Variants in DIP2C observed in about 807,000 individuals in gnomAD.
DIP2C encodes disco-interacting protein 2 homolog C.
In DIP2C, 33 loss-of-function variants were observed where a neutral mutation model predicts 192.4. The ratio of observed to expected loss-of-function variants is 0.17; its 90% CI spans 0.13 to 0.23. DIP2C has a LOEUF of 0.23. Ranked by LOEUF, DIP2C falls within the 10% of genes least tolerant of loss-of-function variation. The pLI, the probability that DIP2C is intolerant of heterozygous loss-of-function variation, is 1.00. For missense variants in DIP2C, 1,537 were observed against 2,110.1 expected (o/e 0.73, Z 5.32); for synonymous variants, 979 against 864.1 (o/e 1.13, Z -2.33).
chr10:476,150 A>G (rs954225897), intron 2 of DIP2C, among the ~76,000 whole-genome samples: 4 of 151,916 alleles, frequency 2.6e-5, no homozygotes, highest in African/African-American at 9.7e-5. Context: ...CCCCAGGGAG[A>G]TGGGGTGGCT....
chr10:664,115 A>G (rs1249799414), intron 1 of DIP2C: 1 of 149,742 alleles, frequency 6.7e-6, no homozygotes. Context: ...ACGGCCTCCC[A>G]CAAAGGCTCC....
chr10:540,213 T>G (rs1203558937), intron 1 of DIP2C, among the ~76,000 whole-genome samples: 2 of 152,272 alleles, frequency 1.3e-5, no homozygotes, highest in African/African-American at 4.8e-5. Context: ...ATTCTAGGTC[T>G]CCCGCAGACA....
intron 1 of DIP2C, among the ~76,000 whole-genome samples, chr10:647,955 G>A (rs1239627280): frequency 1.3e-5 from 2 of 151,758 alleles, no homozygotes; most frequent in Non-Finnish European, 2.9e-5. Flanking sequence ...GGAGAGAACA[G>A]AGGGAAACTG....
intron 2 of DIP2C, among the ~76,000 whole-genome samples, chr10:483,000 G>A (rs780210275): frequency 7.9e-5 from 12 of 152,214 alleles, no homozygotes; most frequent in Admixed American, 3.9e-4. Flanking sequence ...TCCTGGCTCC[G>A]GACAGTCTTT....
intron 1 of DIP2C, among the ~76,000 whole-genome samples, chr10:504,900 A>G (rs758443931): frequency 1.6e-4 from 25 of 152,272 alleles, no homozygotes; most frequent in Admixed American, 9.2e-4. Context: ...AGAAGAGGTG[A>G]GCTCTTCAAT....
At chr10:458,013 C>G (rs557402418) in intron 3 of DIP2C, among the ~76,000 whole-genome samples, 1 of 152,326 alleles carries the variant, frequency 6.6e-6, no homozygotes, top group Non-Finnish European at 1.5e-5. Context: ...GAGAGCCGCC[C>G]AGCCACCCGC....
intron 1 of DIP2C, among the ~76,000 whole-genome samples, chr10:525,137 A>G (rs966507600): frequency 6.6e-6 from 1 of 152,204 alleles, no homozygotes; most frequent in Non-Finnish European, 1.5e-5. Context: ...GCATTCTTAA[A>G]TGCATCACAG....
chr10:529,652 G>A (rs1431741547), intron 1 of DIP2C, among the ~76,000 whole-genome samples: 2 of 152,188 alleles, frequency 1.3e-5, no homozygotes, highest in Non-Finnish European at 2.9e-5. Flanking sequence ...AGCAGCACCT[G>A]GCTCCGTTGC....
intron 31 of DIP2C, chr10:311,590 C>T (rs561172883): frequency 8.1e-6 from 10 of 1,231,468 alleles, no homozygotes; most frequent in Middle Eastern, 3.1e-4. Flanking sequence ...AGGGTGAGGA[C>T]GAGAAGAGAG....
intron 1 of DIP2C, among the ~76,000 whole-genome samples, chr10:525,171 CTT>C (rs761591144): frequency 1.3e-5 from 2 of 152,110 alleles, no homozygotes; most frequent in African/African-American, 2.4e-5. Context: ...CAGCATATCT[CTT>C]TTGTTTAAAT....
At chr10:475,972 G>A (rs1355954690) in intron 2 of DIP2C, among the ~76,000 whole-genome samples, 1 of 152,222 alleles carries the variant, frequency 6.6e-6, no homozygotes, top group Non-Finnish European at 1.5e-5. Flanking sequence ...ACGCATGACT[G>A]CAGCATACCG....
In DIP2C at chr10:408,906, G is replaced by A; in HGVS notation, c.1149+20C>T. 1 of 1,612,324 alleles carries A rather than the reference G, an allele frequency of 6.2e-7. No homozygotes were observed. Among genetic ancestry groups the A allele is most frequent in the Non-Finnish European group, 8.5e-7 (1 of 1,178,646 alleles). On this transcript the variant is annotated intron_variant, in intron 9 of 36. Transcript: ENST00000280886. ...AGGACTCTTGTGTTTTGTAGATCCA[G>A]CAGTTTAAGTTGCACTTACCCTATC...
chr10:595,410 T>G (rs768638688), intron 1 of DIP2C, among the ~76,000 whole-genome samples: 5 of 152,176 alleles, frequency 3.3e-5, no homozygotes, highest in Non-Finnish European at 7.3e-5. Flanking sequence ...ACCACAACCT[T>G]TTGTGAAACC....
chr10:578,202 T>C lies in DIP2C; in HGVS notation c.86-91672A>G, dbSNP rs565224196. ...TACCTGAAGATGAACTTACATATCA[T>C]TTTCAACGTTAACAAAGAAGATACT... On this transcript the variant is annotated intron_variant, in intron 1 of 36. Transcript: ENST00000280886. Among the ~76,000 whole-genome samples the C allele has an allele frequency of 3.3e-5, 5 of 152,338 alleles. No individual in the cohort carries two copies. In the East Asian group the frequency reaches 9.6e-4, roughly 29 times the overall value.
Position 569,568 on chromosome 10 carries a change from C to T in DIP2C, c.86-83038G>A, listed in dbSNP as rs376504997. On this transcript the variant is annotated intron_variant, in intron 1 of 36. Transcript: ENST00000280886. ...GATCAGTGAAATTGGGAATAACATTCGGTTAAATGATACTCATTTGTTTTA... is the reference window on the plus strand; with the variant it reads ...GATCAGTGAAATTGGGAATAACATTTGGTTAAATGATACTCATTTGTTTTA... Among the ~76,000 whole-genome samples, 8 of 152,118 alleles carry T rather than the reference C, an allele frequency of 5.3e-5. No homozygotes were observed. The South Asian group carries it at 6.2e-4, about 12-fold the overall frequency.
intron 1 of DIP2C, among the ~76,000 whole-genome samples, chr10:626,734 C>T (rs1209847285): frequency 7.1e-6 from 1 of 141,180 alleles, no homozygotes; most frequent in Admixed American, 6.8e-5. Flanking sequence ...GAACACCCCA[C>T]GGTCACGCCG....
intron 4 of DIP2C, among the ~76,000 whole-genome samples, chr10:440,067 G>A (rs1269302993): frequency 6.6e-6 from 1 of 152,136 alleles, no homozygotes; most frequent in Non-Finnish European, 1.5e-5. Context: ...ACAAGTATCT[G>A]GATAACTACA....
At chr10:625,656 A>G (rs1356345549) in intron 1 of DIP2C, among the ~76,000 whole-genome samples, 1 of 152,168 alleles carries the variant, frequency 6.6e-6, no homozygotes, top group African/African-American at 2.4e-5. Flanking sequence ...GGCCTCACGC[A>G]CACTGCGCTT....
intron 1 of DIP2C, among the ~76,000 whole-genome samples, chr10:491,062 A>C (rs1466303109): frequency 6.6e-6 from 1 of 151,530 alleles, no homozygotes; most frequent in Non-Finnish European, 1.5e-5. Flanking sequence ...ATGACAGAAC[A>C]GACAGACACC....
Sources: gnomAD v4.1 joint callset for allele counts (sites outside exome capture counted in the v4.1 genomes callset) on GRCh38, gnomAD v4.1.1 for gene constraint, MANE v1.5 for transcripts, NCBI Gene and HGNC (gene_info 2026-07-23, HGNC 2026-07-21) for gene names.